FLVCR2: variants seen among roughly 807,000 people sequenced by gnomAD.
FLVCR2 encodes the protein choline/ethanolamine transporter FLVCR2.
FLVCR2 carries 38 observed loss-of-function variants against 48.9 expected under a neutral mutation model. That is an observed-to-expected ratio of 0.78 (90% CI 0.60 to 1.02). FLVCR2 has a LOEUF of 1.02. Ranked by LOEUF, FLVCR2 falls within the 50% of genes least tolerant of loss-of-function variation. FLVCR2 has a pLI of 0.00. For synonymous variants in FLVCR2, 255 were observed against 257.0 expected, an observed-to-expected ratio of 0.99 and a Z score of 0.07; for missense variants, 664 against 663.3, an observed-to-expected ratio of 1.00 and a Z score of -0.01.
intron 4 of FLVCR2, 106 bp downstream of exon 4, chr14:75,633,802 G>A (rs1302300916): frequency 1.6e-5 from 14 of 885,426 alleles, no homozygotes; most frequent in Non-Finnish European, 2.7e-5. Flanking sequence ...CCCAGTTCTA[G>A]GTAGGGTGAT....
rs965483004 is a variant in FLVCR2 at position 75,637,996 on chromosome 14, C to T, written c.1125-1356C>T. ...TTGCTGATGGTACTCCTGAGGGGAT[C>T]GACACAGGGAAATGTAACAGGGAGT... On this transcript the variant is annotated intron_variant, in intron 5 of 9. Coordinates refer to ENST00000238667, the MANE Select transcript of FLVCR2 (RefSeq NM_017791.3). Among the ~76,000 whole-genome samples the T allele has an allele frequency of 5.3e-5, 8 of 152,094 alleles. No individual in the cohort carries two copies. In the East Asian group the frequency reaches 9.7e-4, roughly 18 times the overall value.
chr14:75,630,965 C>A (rs779238357), intron 3 of FLVCR2, among the ~76,000 whole-genome samples: 5 of 152,224 alleles, frequency 3.3e-5, no homozygotes, highest in Non-Finnish European at 7.3e-5. Flanking sequence ...GCATGCATTT[C>A]ATTCCTGCCC....
chr14:75,600,752 C>T (rs1566786110), intron 1 of FLVCR2, among the ~76,000 whole-genome samples: 1 of 152,060 alleles, frequency 6.6e-6, no homozygotes, highest in Non-Finnish European at 1.5e-5. Context: ...AACTTTAATG[C>T]ATCAAAGGAT....
In FLVCR2 at chr14:75,641,216, A is replaced by C; in HGVS notation, c.1376A>C (p.Gln459Pro). ...ATCATCTTTACCATCTCCCAGGGCCAGATTATTGACAACTATGGAACCAAG... is the reference window on the plus strand; with the variant it reads ...ATCATCTTTACCATCTCCCAGGGCCCGATTATTGACAACTATGGAACCAAG... ...FGIIFTISQG[Q>P]IIDNYGTKPG... is the part of the protein sequence containing the mutation. Residue 459 changes from glutamine to proline, a missense_variant, in exon 8 of 10, where the codon CAG becomes CCG. By Grantham distance (76) the Gln-to-Pro change is moderately conservative (BLOSUM62 -1). Coordinates refer to ENST00000238667, the MANE Select transcript of FLVCR2 (RefSeq NM_017791.3). 1 of 1,613,960 alleles carries C rather than the reference A, an allele frequency of 6.2e-7. No homozygotes were observed. Among genetic ancestry groups the C allele is most frequent in the Non-Finnish European group, 8.5e-7 (1 of 1,179,914 alleles).
intron 1 of FLVCR2, chr14:75,595,862 C>T: frequency 2.0e-6 from 2 of 1,025,236 alleles, no homozygotes; most frequent in South Asian, 1.3e-5. Context: ...CCCTGACTTT[C>T]CTCATTCTGT....
intron 1 of FLVCR2, 136 bp downstream of exon 1, chr14:75,579,777 C>A (rs1888549225): frequency 1.0e-6 from 1 of 981,514 alleles, no homozygotes; most frequent in African/African-American, 1.6e-5. Flanking sequence ...GTGTGACAGG[C>A]AGTGATTGTG....
chr14:75,629,979 T>C (rs1340199858), intron 3 of FLVCR2, among the ~76,000 whole-genome samples: 2 of 151,910 alleles, frequency 1.3e-5, no homozygotes, highest in Admixed American at 6.6e-5. Context: ...GGCTGAGGAG[T>C]GGGCATAAAA....
chr14:75,578,732 G>A lies in FLVCR2; in HGVS notation c.-241G>A. On this transcript the variant is annotated 5_prime_UTR_variant, in exon 1 of 10. Coordinates refer to ENST00000238667, the MANE Select transcript of FLVCR2 (RefSeq NM_017791.3). ...GTCCGGAGCCGGCTGCGGCGTGTGCGGCCGGCCTTGGGACAGCGATCGCCG... is the reference window on the plus strand; with the variant it reads ...GTCCGGAGCCGGCTGCGGCGTGTGCAGCCGGCCTTGGGACAGCGATCGCCG... 1.7e-6 allele frequency: 1 copy of A among 586,704 alleles called. No homozygotes were observed. Among genetic ancestry groups the A allele is most frequent in the Non-Finnish European group, 3.0e-6 (1 of 330,342 alleles). The allele number at this position is 586,704 out of a possible 1,614,324, so 36.3% of individuals were successfully genotyped here.
intron 4 of FLVCR2, among the ~76,000 whole-genome samples, chr14:75,634,637 A>T (rs541080666): frequency 3.3e-5 from 5 of 152,294 alleles, no homozygotes; most frequent in East Asian, 1.9e-4. Context: ...TACATTTTTT[A>T]AAAAATTTGC....
chr14:75,608,427 G>T (rs1444503145), intron 1 of FLVCR2, among the ~76,000 whole-genome samples: 1 of 152,220 alleles, frequency 6.6e-6, no homozygotes, highest in East Asian at 1.9e-4. Context: ...CTTTTGCCAG[G>T]AGTGGCACGA....
chr14:75,629,313 AT>A (rs546304033), intron 3 of FLVCR2, among the ~76,000 whole-genome samples: 2 of 151,936 alleles, frequency 1.3e-5, no homozygotes, highest in African/African-American at 4.8e-5. Flanking sequence ...TTTATTTGCT[AT>A]TTTTTTTCAA....
chr14:75,625,398 C>T (rs183026790), intron 3 of FLVCR2, among the ~76,000 whole-genome samples: 3 of 152,004 alleles, frequency 2.0e-5, no homozygotes, highest in African/African-American at 4.8e-5. Flanking sequence ...GGCTTTCTTT[C>T]CCCGCATGGT....
intron 1 of FLVCR2, among the ~76,000 whole-genome samples, chr14:75,591,806 CTTTT>C (rs1163085989): frequency 2.3e-4 from 25 of 109,332 alleles, no homozygotes; most frequent in African/African-American, 8.3e-4. Context: ...CTCTTCATTC[CTTTT>C]TTTTTTTTTT....
chr14:75,627,369 G>A (rs886957953), intron 3 of FLVCR2, among the ~76,000 whole-genome samples: 2 of 152,132 alleles, frequency 1.3e-5, no homozygotes, highest in Non-Finnish European at 2.9e-5. Flanking sequence ...TTTAACAAAT[G>A]GCTTGCAACA....
At position 75,579,172 on chromosome 14, in the gene FLVCR2, C is replaced by T; in HGVS notation, c.200C>T (p.Pro67Leu). 2 of 1,614,142 alleles carry T rather than the reference C, an allele frequency of 1.2e-6. No homozygotes were observed. The highest frequency in any genetic ancestry group is 1.7e-6 in the Non-Finnish European group (2 of 1,180,030). The change falls in exon 1 of 10, where the codon CCC becomes CTC. Residue 67 changes from proline (P) to leucine (L), a missense_variant. Transcript: ENST00000238667. Reference protein sequence around the residue: ...ALAQPSGLAHPSSSGPEDLSV... With the variant: ...ALAQPSGLAHLSSSGPEDLSV... Reference sequence around the variant, plus strand: ...GCCCAACCCAGTGGCTTGGCTCACCCCAGTAGCTCGGGCCCTGAGGACCTC... The same window carrying T: ...GCCCAACCCAGTGGCTTGGCTCACCTCAGTAGCTCGGGCCCTGAGGACCTC...
At chr14:75,585,955 T>C (rs1161651333) in intron 1 of FLVCR2, among the ~76,000 whole-genome samples, 2 of 152,138 alleles carry the variant, frequency 1.3e-5, no homozygotes, top group Admixed American at 1.3e-4. Context: ...AGATGTTCCT[T>C]GGGCTGGTTG....
chr14:75,639,966 G>A (rs1263333545), intron 6 of FLVCR2, among the ~76,000 whole-genome samples: 1 of 152,154 alleles, frequency 6.6e-6, no homozygotes, highest in Non-Finnish European at 1.5e-5. Context: ...GAAAATGTAA[G>A]AAATTAAAGT....
intron 1 of FLVCR2, among the ~76,000 whole-genome samples, chr14:75,601,663 C>T (rs551309280): frequency 6.6e-6 from 1 of 152,248 alleles, no homozygotes; most frequent in East Asian, 1.9e-4. Flanking sequence ...CCATATGATC[C>T]AGCAATTCCA....
chr14:75,611,007 C>T (rs1328927215), intron 1 of FLVCR2, among the ~76,000 whole-genome samples: 1 of 152,200 alleles, frequency 6.6e-6, no homozygotes. Context: ...TGAGTGCTGT[C>T]TCTGTTCTTG....
Sources: gnomAD v4.1 joint callset for allele counts (sites outside exome capture counted in the v4.1 genomes callset) on GRCh38, gnomAD v4.1.1 for gene constraint, MANE v1.5 for transcripts, NCBI Gene and HGNC (gene_info 2026-07-23, HGNC 2026-07-21) for gene names.